CRMP1: variants seen among roughly 807,000 people sequenced by gnomAD.
CRMP1 encodes the protein collapsin response mediator protein 1.
In CRMP1, 19 loss-of-function variants were observed where a neutral mutation model predicts 68.3. That is an observed-to-expected ratio of 0.28 (90% CI 0.19 to 0.41). The LOEUF is 0.41. Among genes scored for constraint, CRMP1 ranks in the 10% least tolerant of loss-of-function variants. CRMP1 has a pLI of 1.00. For synonymous variants in CRMP1, 439 were observed against 399.6 expected (o/e 1.10, Z -1.18); for missense variants, 791 against 967.4 (o/e 0.82, Z 2.42).
intron 1 of CRMP1, among the ~76,000 whole-genome samples, chr4:5,867,486 C>T (rs1239294929): frequency 6.6e-6 from 1 of 152,140 alleles, no homozygotes; most frequent in African/African-American, 2.4e-5. Context: ...AAGAAAACCC[C>T]ATTTTTCCAG....
Position 5,820,806 on chromosome 4 carries a change from A to AT in CRMP1, c.*953dup, listed in dbSNP as rs34834990. On this transcript the variant is annotated 3_prime_UTR_variant, in exon 14 of 14. Coordinates refer to ENST00000324989, the MANE Select transcript of CRMP1 (RefSeq NM_001014809.3). The stretch of plus-strand genomic sequence containing the variant: ...GGTCAGTGGGCAGTTCATTTTCTTT[A>AT]TTTTTTCACAAGCTTTGAATTCAGA... 2 of 151,160 alleles carry AT rather than the reference A, an allele frequency of 1.3e-5. No homozygotes were observed. The highest frequency in any genetic ancestry group is 6.6e-5 in the Admixed American group (1 of 15,214). The allele number at this position is 151,160 out of a possible 1,614,324, so 9.4% of individuals were successfully genotyped here.
Position 5,855,378 on chromosome 4 carries a change from T to A in CRMP1, c.820+765A>T, listed in dbSNP as rs1712975661. 1.3e-5 allele frequency among the ~76,000 whole-genome samples: 2 copies of A among 152,228 alleles called. No homozygotes were observed. The highest frequency in any genetic ancestry group is 1.3e-4 in the Admixed American group (2 of 15,278). On this transcript the variant is annotated intron_variant, in intron 4 of 13. Transcript: ENST00000324989. The surrounding 1 kb of genome is among the most constrained non-coding windows in gnomAD (Gnocchi z 4.9). ...ATTTGAGGCTGCCTCCTCAGAGGGC[T>A]CCCCGACTGCCCCTTTCTGGACAGA...
Position 5,851,886 on chromosome 4 carries a change from GAGGAGGAGGAAGAAAA to G in CRMP1, c.821-433_821-418del, listed in dbSNP as rs150253869. Reference sequence around the variant, plus strand: ...GCAGGAGGAGGAAGAGGAAGAGGAAGAGGAGGAGGAAGAAAAAGGAGAAAGAGAAGGAGAAGAGGAA... The same window carrying G: ...GCAGGAGGAGGAAGAGGAAGAGGAAGAGGAGAAAGAGAAGGAGAAGAGGAA... On this transcript the variant is annotated intron_variant, in intron 4 of 13. Coordinates refer to ENST00000324989, the MANE Select transcript of CRMP1 (RefSeq NM_001014809.3). Among the ~76,000 whole-genome samples the G allele has an allele frequency of 3.0e-3, 293 of 98,806 alleles. 2 individuals are homozygous for G. In the Middle Eastern group the frequency reaches 0.039, roughly 13 times the overall value. 64.8% of individuals were successfully genotyped at this position (98,806 alleles called of 152,430 possible).
chr4:5,851,904 G>GAA lies in CRMP1; in HGVS notation c.821-436_821-435insTT, dbSNP rs397967185. Among the ~76,000 whole-genome samples, 4 of 146,266 alleles carry GAA rather than the reference G, an allele frequency of 2.7e-5. No individual in the cohort carries two copies. The East Asian group carries it at 6.1e-4, about 22-fold the overall frequency. On this transcript the variant is annotated intron_variant, in intron 4 of 13. Coordinates refer to ENST00000324989, the MANE Select transcript of CRMP1 (RefSeq NM_001014809.3). ...AGAGGAAGAGGAGGAGGAAGAAAAA[G>GAA]GAGAAAGAGAAGGAGAAGAGGAAGA...
intron 11 of CRMP1, 95 bp from the exon 12 acceptor site, chr4:5,828,763 G>C: frequency 7.2e-7 from 1 of 1,384,780 alleles, no homozygotes; most frequent in Middle Eastern, 1.9e-4. Context: ...TATCATAAGC[G>C]TGTTCCAATG....
chr4:5,880,125 A>G (rs984182624), intron 1 of CRMP1, among the ~76,000 whole-genome samples: 3 of 152,184 alleles, frequency 2.0e-5, no homozygotes, highest in African/African-American at 7.2e-5. Flanking sequence ...AGAGCTGTAC[A>G]AGAGTAAAGC....
Position 5,856,395 on chromosome 4 carries a change from T to C in CRMP1, c.656-88A>G, listed in dbSNP as rs570215078. ...ATTACCACTACCACCATCATCACCATCATTACCATCACCACCATCATCATC... is the reference window on the plus strand; with the variant it reads ...ATTACCACTACCACCATCATCACCACCATTACCATCACCACCATCATCATC... On this transcript the variant is annotated intron_variant, in intron 3 of 13. Transcript: ENST00000324989. 41 of 1,217,504 alleles carry C rather than the reference T, an allele frequency of 3.4e-5. No individual in the cohort carries two copies. The African/African-American group carries it at 5.8e-4, about 17-fold the overall frequency. The allele number at this position is 1,217,504 out of a possible 1,614,324, so 75.4% of individuals were successfully genotyped here.
At chr4:5,864,574 G>T (rs753113761) in intron 2 of CRMP1, among the ~76,000 whole-genome samples, 1 of 152,118 alleles carries the variant, frequency 6.6e-6, no homozygotes, top group Non-Finnish European at 1.5e-5. Flanking sequence ...GCCCCAGGGC[G>T]GGGGGCCACG....
At position 5,889,715 on chromosome 4, in the gene CRMP1, C is replaced by T. The variant is rs1329879336; in HGVS notation, c.381+2874G>A. On this transcript the variant is annotated intron_variant, in intron 1 of 13. Transcript: ENST00000324989. The surrounding 1 kb of genome is among the most constrained non-coding windows in gnomAD (Gnocchi z 4.5). ...ACTCATCTTTTCTGCTTTCAAGTTGCCATCCAGAGCGAGGGTGGCCTAGGC... is the reference window on the plus strand; with the variant it reads ...ACTCATCTTTTCTGCTTTCAAGTTGTCATCCAGAGCGAGGGTGGCCTAGGC... 3.3e-6 allele frequency: 5 copies of T among 1,535,780 alleles called. No individual in the cohort carries two copies. In the East Asian group the frequency reaches 9.8e-5, roughly 30 times the overall value.
intron 3 of CRMP1, among the ~76,000 whole-genome samples, chr4:5,856,869 A>ACCACC (rs1377879308): frequency 8.8e-3 from 24 of 2,742 alleles, no homozygotes; most frequent in African/African-American, 0.019. Flanking sequence ...CACCATCATC[A>ACCACC]CCATCACCAC....
intron 3 of CRMP1, among the ~76,000 whole-genome samples, chr4:5,856,857 C>CACA (rs1713110886): frequency 7.7e-6 from 1 of 129,594 alleles, no homozygotes; most frequent in Admixed American, 7.7e-5. Context: ...TCATTGTCAC[C>CACA]CCACCATCAT....
rs1045172166 is a variant in CRMP1 at position 5,843,562 on chromosome 4, T to G, written c.964-401A>C. Among the ~76,000 whole-genome samples, 9 of 152,142 alleles carry G rather than the reference T, an allele frequency of 5.9e-5. No homozygotes were observed. The highest frequency in any genetic ancestry group is 1.7e-4 in the African/African-American group (7 of 41,430). Reference sequence around the variant, plus strand: ...TCAACTAGGAATCCTACTCTAGTCTTTGATGTTGAAATCAAAGATCCCGAA... The same window carrying G: ...TCAACTAGGAATCCTACTCTAGTCTGTGATGTTGAAATCAAAGATCCCGAA... On this transcript the variant is annotated intron_variant, in intron 6 of 13. Coordinates refer to ENST00000324989, the MANE Select transcript of CRMP1 (RefSeq NM_001014809.3). The surrounding 1 kb of genome is among the most constrained non-coding windows in gnomAD (Gnocchi z 4.1).
At chr4:5,852,796 G>T (rs1712758287) in intron 4 of CRMP1, among the ~76,000 whole-genome samples, 1 of 152,130 alleles carries the variant, frequency 6.6e-6, no homozygotes, top group South Asian at 2.1e-4. Flanking sequence ...CCCTATGTGG[G>T]GGATGCATGG....
At position 5,825,752 on chromosome 4, in the gene CRMP1, C is replaced by A; in HGVS notation, c.1804-93G>T. On this transcript the variant is annotated intron_variant, in intron 12 of 13. Transcript: ENST00000324989. This position sits in a 1 kb window ranked among gnomAD's most constrained non-coding sequence, Gnocchi z 4.4. ...CAGAGCCCTGCGGGCGAGAGAGAAA[C>A]CTGAGGTCACTTCAAATGTGCATGC... 1 of 1,320,600 alleles carries A rather than the reference C, an allele frequency of 7.6e-7. No homozygotes were observed. The highest frequency in any genetic ancestry group is 1.3e-5 in the South Asian group (1 of 74,472). The allele number at this position is 1,320,600 out of a possible 1,614,324, so 81.8% of individuals were successfully genotyped here.
At chr4:5,878,778 C>T (rs577915822) in intron 1 of CRMP1, among the ~76,000 whole-genome samples, 27 of 152,162 alleles carry the variant, frequency 1.8e-4, no homozygotes, top group African/African-American at 5.3e-4. Flanking sequence ...AATTAACCCA[C>T]GGATAGCACT....
intron 13 of CRMP1, chr4:5,824,888 G>A (rs115791512): frequency 0.059 from 57,825 of 985,330 alleles, 1,872 homozygotes; most frequent in Non-Finnish European, 0.065. Flanking sequence ...ACTGCCCTGA[G>A]ACCTTAAGAA....
intron 1 of CRMP1, among the ~76,000 whole-genome samples, chr4:5,887,982 C>G (rs1356405573): frequency 6.6e-6 from 1 of 151,846 alleles, no homozygotes. Flanking sequence ...GAGGGGGCGG[C>G]AAGCCCGCGG....
At chr4:5,856,517 GACCATCATTACCATC>G (rs1713072185) in intron 3 of CRMP1, among the ~76,000 whole-genome samples, 1 of 149,006 alleles carries the variant, frequency 6.7e-6, no homozygotes, top group South Asian at 2.2e-4. Flanking sequence ...CCATCACCAT[GACCATCATTACCATC>G]ACCATCATCA....
In CRMP1 at chr4:5,843,304, T is replaced by C. The variant is rs943962166; in HGVS notation, c.964-143A>G. ...TGCACTAGGTTAACAGTGTGCGGGG[T>C]GGGGGCAGTGAACTGTGTCCCCTCC... On this transcript the variant is annotated intron_variant, in intron 6 of 13. Transcript: ENST00000324989. This position sits in a 1 kb window ranked among gnomAD's most constrained non-coding sequence, Gnocchi z 4.1. 4 of 727,104 alleles carry C rather than the reference T, an allele frequency of 5.5e-6. No homozygotes were observed. The highest frequency in any genetic ancestry group is 1.7e-5 in the African/African-American group (1 of 57,736). The allele number at this position is 727,104 out of a possible 1,614,324, so 45.0% of individuals were successfully genotyped here. A position where few individuals can be genotyped will look rare whatever the true frequency, so the allele number is the denominator to read the frequency against.
Sources: allele counts gnomAD v4.1 joint callset (sites outside exome capture counted in the v4.1 genomes callset), GRCh38; gene constraint gnomAD v4.1.1; non-coding constraint Gnocchi (gnomAD v3.1); transcripts MANE v1.5; gene names NCBI Gene and HGNC (gene_info 2026-07-23, HGNC 2026-07-21).